The following LIPA variants were observed in gnomAD, a reference collection of about 807,000 sequenced individuals.
LIPA encodes lysosomal acid lipase/cholesteryl ester hydrolase.
A neutral mutation model predicts 40.6 loss-of-function variants in LIPA; 26 were observed. The observed-to-expected ratio is 0.64, with a 90% CI of 0.47 to 0.89. The LOEUF (loss-of-function observed/expected upper bound fraction) is 0.89. Among genes scored for constraint, LIPA ranks in the 40% least tolerant of loss-of-function variants. LIPA has a pLI of 0.00. For missense variants in LIPA, 455 were observed against 479.6 expected (o/e 0.95, Z 0.48); for synonymous variants, 188 against 168.4 (o/e 1.12, Z -0.90).
intron 1 of LIPA, among the ~76,000 whole-genome samples, chr10:89,272,016 G>A (rs375935664): frequency 8.6e-5 from 13 of 152,036 alleles, no homozygotes; most frequent in Admixed American, 3.3e-4. Context: ...GCTGCAGTGA[G>A]CCAAGATTGC....
intron 1 of LIPA, among the ~76,000 whole-genome samples, chr10:89,259,103 T>C (rs1032728271): frequency 2.0e-5 from 3 of 152,200 alleles, no homozygotes; most frequent in Non-Finnish European, 4.4e-5. Context: ...GTTCTAAAAT[T>C]AATTGCAATG....
At chr10:89,386,002 A>C (rs1313262194) in intron 2 of LIPA, among the ~76,000 whole-genome samples, 1 of 152,260 alleles carries the variant, frequency 6.6e-6, no homozygotes, top group Non-Finnish European at 1.5e-5. Flanking sequence ...AAGTGATGGA[A>C]TAGAAACCTG....
At chr10:89,400,398 T>C (rs545763084) in intron 2 of LIPA, among the ~76,000 whole-genome samples, 31 of 152,348 alleles carry the variant, frequency 2.0e-4, no homozygotes, top group Admixed American at 1.8e-3. Flanking sequence ...TGTCTTCTAA[T>C]CCACGAACAA....
chr10:89,225,058 G>C (rs1441496389), intron 6 of LIPA, 34 bp downstream of exon 6: 7 of 1,611,194 alleles, frequency 4.3e-6, no homozygotes, highest in South Asian at 3.3e-5. Context: ...GGAAATCTGC[G>C]GGGAGAGGAG....
At chr10:89,325,194 A>C (rs1337066267) in intron 1 of LIPA, among the ~76,000 whole-genome samples, 1 of 152,272 alleles carries the variant, frequency 6.6e-6, no homozygotes, top group East Asian at 1.9e-4. Context: ...AATGACTATT[A>C]TTAAAAAGTC....
intron 2 of LIPA, among the ~76,000 whole-genome samples, chr10:89,389,908 G>T (rs1306676011): frequency 1.3e-5 from 2 of 151,636 alleles, no homozygotes; most frequent in Non-Finnish European, 2.9e-5. Flanking sequence ...AGACATTAGG[G>T]ATAATTGAGG....
intron 2 of LIPA, among the ~76,000 whole-genome samples, chr10:89,375,543 C>T (rs1844115589): frequency 6.6e-6 from 1 of 152,176 alleles, no homozygotes; most frequent in South Asian, 2.1e-4. Flanking sequence ...GTGCAGAACC[C>T]CCTCCATCAG....
intron 8 of LIPA, among the ~76,000 whole-genome samples, chr10:89,217,040 A>G (rs1324578560): frequency 6.6e-6 from 1 of 152,192 alleles, no homozygotes; most frequent in Non-Finnish European, 1.5e-5. Flanking sequence ...AATGTCACTT[A>G]TTTTTAAAAT....
chr10:89,350,119 A>G (rs1432134944), intron 2 of LIPA, among the ~76,000 whole-genome samples: 2 of 152,066 alleles, frequency 1.3e-5, no homozygotes, highest in African/African-American at 2.4e-5. Flanking sequence ...TTCTCTACAA[A>G]TGTATTGTTA....
chr10:89,385,207 T>TTTCTGAATTCTGAA, intron 2 of LIPA: 1 of 153,896 alleles, frequency 6.5e-6, no homozygotes, highest in Non-Finnish European at 1.4e-5. Flanking sequence ...TTAATCATAG[T>TTTCTGAATTCTGAA]TTCTGAATTC....
In LIPA at chr10:89,380,051, A is replaced by C. The variant is rs764193066; in HGVS notation, c.61+32740T>G. On this transcript the variant is annotated intron_variant, in intron 2 of 8. Coordinates refer to the LIPA transcript ENST00000371837. ...CTCCGTCTCAAAAAAAAAAAAAAAC[A>C]AAAGGTATTAGTTGTGTCTGCATCT... 5.0e-3 allele frequency among the ~76,000 whole-genome samples: 763 copies of C among 151,566 alleles called. 11 individuals are homozygous for C. The highest frequency in any genetic ancestry group is 0.016 in the African/African-American group (647 of 41,188).
intron 2 of LIPA, chr10:89,377,981 C>T: frequency 1.6e-6 from 1 of 635,212 alleles, no homozygotes; most frequent in South Asian, 2.1e-5. Context: ...TGCCAATTCA[C>T]TAGGCATCAA....
At chr10:89,350,486 T>C (rs905110476) in intron 2 of LIPA, among the ~76,000 whole-genome samples, 5 of 151,998 alleles carry the variant, frequency 3.3e-5, no homozygotes, top group African/African-American at 7.2e-5. Flanking sequence ...TTTGTATTTT[T>C]AGTAGAGAAG....
chr10:89,248,247 C>T (rs1247682357), intron 1 of LIPA, among the ~76,000 whole-genome samples: 16 of 151,128 alleles, frequency 1.1e-4, no homozygotes, highest in African/African-American at 3.6e-4. Context: ...CCACAACCTC[C>T]GCCTCCCAGG....
intron 1 of LIPA, chr10:89,302,121 A>G (rs2133517945): frequency 2.5e-6 from 4 of 1,613,974 alleles, no homozygotes; most frequent in Non-Finnish European, 3.4e-6. Flanking sequence ...TTGCACTGCA[A>G]CCATGAGGTA....
intron 3 of LIPA, among the ~76,000 whole-genome samples, chr10:89,228,722 C>A (rs907838178): frequency 2.6e-5 from 4 of 152,134 alleles, no homozygotes; most frequent in African/African-American, 7.2e-5. Flanking sequence ...AATGTTTTTA[C>A]AATTTGCTTT....
chr10:89,261,487 A>G (rs1589581746), intron 1 of LIPA, among the ~76,000 whole-genome samples: 1 of 152,220 alleles, frequency 6.6e-6, no homozygotes, highest in African/African-American at 2.4e-5. Context: ...CCGGGGTGAC[A>G]GAGCGAGACT....
intron 5 of LIPA, 146 bp downstream of exon 5, chr10:89,226,749 A>T (rs1842774491): frequency 1.6e-6 from 1 of 630,996 alleles, no homozygotes; most frequent in East Asian, 2.8e-5. Flanking sequence ...TGTTACCAAC[A>T]TTCCTTATCT....
intron 2 of LIPA, among the ~76,000 whole-genome samples, chr10:89,375,582 G>A (rs1034254662): frequency 6.6e-6 from 1 of 152,124 alleles, no homozygotes; most frequent in African/African-American, 2.4e-5. Flanking sequence ...AGGTGTAGAA[G>A]GTTTTTTCTA....
Sources: gnomAD v4.1 joint callset for allele counts (sites outside exome capture counted in the v4.1 genomes callset) on GRCh38, gnomAD v4.1.1 for gene constraint, MANE v1.5 for transcripts, NCBI Gene and HGNC (gene_info 2026-07-23, HGNC 2026-07-21) for gene names.